PPP6R2: variants seen among roughly 807,000 people sequenced by gnomAD.
PPP6R2 encodes protein phosphatase 6 regulatory subunit 2.
A neutral mutation model predicts 100.2 loss-of-function variants in PPP6R2; 62 were observed. The observed-to-expected ratio is 0.62, with a 90% CI of 0.50 to 0.76. The LOEUF (loss-of-function observed/expected upper bound fraction) is 0.76, where lower values mean the gene tolerates loss of function less well. Among genes scored for constraint, PPP6R2 ranks in the 30% least tolerant of loss-of-function variants. The pLI is 0.00. For missense variants in PPP6R2, 1,142 were observed against 1,276.3 expected (o/e 0.89, Z 1.60); for synonymous variants, 525 against 514.7 (o/e 1.02, Z -0.27).
chr22:50,414,794 T>G, intron 5 of PPP6R2, 105 bp downstream of exon 5: 6 of 1,301,162 alleles, frequency 4.6e-6, no homozygotes, highest in South Asian at 1.4e-5. Flanking sequence ...CCCCCATCTC[T>G]CCACCTAGCG....
At chr22:50,354,240 G>T (rs1294385883) in intron 1 of PPP6R2, among the ~76,000 whole-genome samples, 1 of 152,132 alleles carries the variant, frequency 6.6e-6, no homozygotes. Context: ...AGAAGGTGGA[G>T]ATTGTAGTGA....
chr22:50,349,871 A>G (rs1268009790), intron 1 of PPP6R2, among the ~76,000 whole-genome samples: 1 of 150,614 alleles, frequency 6.6e-6, no homozygotes, highest in African/African-American at 2.4e-5. Context: ...GCCTGTAATC[A>G]GTTTGGGAGG....
In PPP6R2 at chr22:50,352,740, CAA is replaced by C. The variant is rs755138488; in HGVS notation, c.-148+9201_-148+9202del. Among the ~76,000 whole-genome samples the C allele has an allele frequency of 1.6e-4, 21 of 132,326 alleles. 1 individual carries two copies. The highest frequency in any genetic ancestry group is 1.1e-3 in the Admixed American group (15 of 14,082). The allele number at this position is 132,326 out of a possible 152,430, so 86.8% of individuals were successfully genotyped here. On this transcript the variant is annotated intron_variant, in intron 1 of 23. Transcript: ENST00000612753. ...CTCTGTCTCAAAACAAAAACAAAAACAAAAAAAAAAAACACACAAAACAACAA... is the reference window on the plus strand; with the variant it reads ...CTCTGTCTCAAAACAAAAACAAAAACAAAAAAAAAACACACAAAACAACAA...
At chr22:50,347,113 C>G (rs1269167827) in intron 1 of PPP6R2, among the ~76,000 whole-genome samples, 1 of 152,072 alleles carries the variant, frequency 6.6e-6, no homozygotes, top group African/African-American at 2.4e-5. Context: ...CCCTTCCGCT[C>G]TTTGCTATCG....
rs150769945 is a variant in PPP6R2, at chr22:50,408,421, G to A, written c.414+1546G>A. On this transcript the variant is annotated intron_variant, in intron 4 of 23. Transcript: ENST00000612753. ...TCAGTGGAATGCCGTCTTCCCTTGC[G>A]CTGTAAATCTGAGAGTTGCAAGGGC... Among the ~76,000 whole-genome samples, 120 of 152,218 alleles carry A rather than the reference G, an allele frequency of 7.9e-4. 1 individual carries two copies. The highest frequency in any genetic ancestry group is 1.3e-3 in the Non-Finnish European group (89 of 68,028).
At chr22:50,419,061 G>GGTGCTCA in intron 7 of PPP6R2, 82 bp downstream of exon 7, 1 of 1,122,996 alleles carries the variant, frequency 8.9e-7, no homozygotes, top group Non-Finnish European at 1.3e-6. Flanking sequence ...CTGAGCACCA[G>GGTGCTCA]GATATGTTGC....
At position 50,439,736 on chromosome 22, in the gene PPP6R2, A is replaced by C. The variant is rs1447916963; in HGVS notation, c.2164A>C (p.Asn722His). Reference sequence around the variant, plus strand: ...GACGGCAGTGTTTGATGAGCCAGCGAACTCAACGCCCACAGCCCCAGGAGT... The same window carrying C: ...GACGGCAGTGTTTGATGAGCCAGCGCACTCAACGCCCACAGCCCCAGGAGT... ...MWTAVFDEPA[N>H]STPTAPGVVR... Residue 722 changes from asparagine (N) to histidine (H), a missense_variant, in exon 20 of 24, where the codon AAC becomes CAC. Transcript: ENST00000612753. 1.2e-6 allele frequency: 2 copies of C among 1,611,766 alleles called. No homozygotes were observed. Among genetic ancestry groups the C allele is most frequent in the Admixed American group, 3.3e-5 (2 of 59,800 alleles).
At chr22:50,391,949 A>C (rs1603039047) in intron 2 of PPP6R2, 3 of 61,146 alleles carry the variant, frequency 4.9e-5, no homozygotes, top group South Asian at 1.2e-3. Flanking sequence ...TGATTTTGGC[A>C]AAAAAAAAAA....
At chr22:50,426,524 T>G (rs533251429) in intron 10 of PPP6R2, among the ~76,000 whole-genome samples, 1 of 152,304 alleles carries the variant, frequency 6.6e-6, no homozygotes, top group East Asian at 1.9e-4. Flanking sequence ...TATCCAGTTT[T>G]CCCAGCACTT....
intron 2 of PPP6R2, among the ~76,000 whole-genome samples, chr22:50,375,203 T>C (rs1054014092): frequency 1.3e-5 from 2 of 152,038 alleles, no homozygotes; most frequent in African/African-American, 4.8e-5. Context: ...CTGAGAATGT[T>C]AGGCTAGGTT....
the PPP6R2 span, among the ~76,000 whole-genome samples, chr22:50,331,389 C>T: frequency 5.4e-3 from 815 of 152,006 alleles, 6 homozygotes; most frequent in African/African-American, 0.018. Flanking sequence ...CAAACTTTTC[C>T]GAACAGTTTT....
intron 3 of PPP6R2, among the ~76,000 whole-genome samples, chr22:50,405,494 G>A (rs1331049994): frequency 7.6e-6 from 1 of 132,006 alleles, no homozygotes; most frequent in Non-Finnish European, 1.6e-5. Flanking sequence ...AGGCCTGGCA[G>A]ACGAGTGTGA....
chr22:50,384,549 C>T (rs1055452053), intron 2 of PPP6R2, among the ~76,000 whole-genome samples: 1 of 151,958 alleles, frequency 6.6e-6, no homozygotes, highest in African/African-American at 2.4e-5. Context: ...AGCGAGACTC[C>T]GTCTCAAAAA....
intron 10 of PPP6R2, among the ~76,000 whole-genome samples, chr22:50,426,007 C>T (rs1162237359): frequency 1.3e-5 from 2 of 151,718 alleles, no homozygotes; most frequent in African/African-American, 4.8e-5. Context: ...TAGGGTCTTG[C>T]AGTACAGTGA....
intron 3 of PPP6R2, among the ~76,000 whole-genome samples, chr22:50,405,710 G>A (rs2058782009): frequency 1.2e-5 from 1 of 86,144 alleles, no homozygotes; most frequent in African/African-American, 4.1e-5. Flanking sequence ...AAGGCCTGGA[G>A]AGAGGTGAGA....
rs186444730 is a variant in PPP6R2, at chr22:50,396,560, G to A, written c.227+2425G>A. ...CACACATGAAAACGATATGAAACACGTTTCAGTATCCACCAATAAAGTCTT... is the reference window on the plus strand; with the variant it reads ...CACACATGAAAACGATATGAAACACATTTCAGTATCCACCAATAAAGTCTT... On this transcript the variant is annotated intron_variant, in intron 3 of 23. Transcript: ENST00000612753. 3.0e-4 allele frequency among the ~76,000 whole-genome samples: 45 copies of A among 151,960 alleles called. No individual in the cohort carries two copies. In the East Asian group the frequency reaches 8.5e-3, roughly 29 times the overall value.
chr22:50,427,693 C>G (rs2062401325), intron 10 of PPP6R2, among the ~76,000 whole-genome samples: 1 of 151,772 alleles, frequency 6.6e-6, no homozygotes, highest in South Asian at 2.1e-4. Context: ...CCTGGGATTA[C>G]AGGTGCCCGC....
At chr22:50,339,788 GGT>G (rs1229216351), upstream of PPP6R2, among the ~76,000 whole-genome samples, 2 of 115,856 alleles carry the variant, frequency 1.7e-5, no homozygotes, top group Admixed American at 8.4e-5. Context: ...GTGTGTGTGT[GGT>G]GTGTGTGGGG....
upstream of PPP6R2, among the ~76,000 whole-genome samples, chr22:50,338,827 G>A: frequency 6.9e-6 from 1 of 144,164 alleles, no homozygotes; most frequent in Non-Finnish European, 1.5e-5. Context: ...TGTGTGTAGG[G>A]TGTGTGGTGT....
Sources: gnomAD v4.1 joint callset for allele counts (sites outside exome capture counted in the v4.1 genomes callset) on GRCh38, gnomAD v4.1.1 for gene constraint, MANE v1.5 for transcripts, NCBI Gene and HGNC (gene_info 2026-07-23, HGNC 2026-07-21) for gene names.